Variants in RPTOR observed in about 807,000 individuals in gnomAD.
RPTOR encodes the protein regulatory associated protein of MTOR complex 1, also known as regulatory-associated protein of mTOR.
RPTOR carries 21 observed loss-of-function variants against 169.9 expected under a neutral mutation model. That is an observed-to-expected ratio of 0.12 (90% CI 0.09 to 0.18). The LOEUF (loss-of-function observed/expected upper bound fraction) is 0.18. Among genes scored for constraint, RPTOR ranks in the 10% least tolerant of loss-of-function variants. The pLI, the probability that RPTOR is intolerant of heterozygous loss-of-function variation, is 1.00. For missense variants in RPTOR, 1,133 were observed against 1,855.9 expected (o/e 0.61, Z 7.16); for synonymous variants, 732 against 753.2 (o/e 0.97, Z 0.46).
chr17:80,679,635 A>G (rs567573043), intron 3 of RPTOR, among the ~76,000 whole-genome samples: 1 of 152,318 alleles, frequency 6.6e-6, no homozygotes, highest in Admixed American at 6.5e-5. Flanking sequence ...CTTATTTACT[A>G]ACTTAAATCC....
intron 5 of RPTOR, among the ~76,000 whole-genome samples, chr17:80,737,445 G>A (rs2066442797): frequency 6.6e-6 from 1 of 152,182 alleles, no homozygotes; most frequent in Non-Finnish European, 1.5e-5. Context: ...TTCCGGCAGG[G>A]GGGCGGTGGT....
At chr17:80,919,587 C>T (rs1317901362) in intron 21 of RPTOR, among the ~76,000 whole-genome samples, 2 of 152,174 alleles carry the variant, frequency 1.3e-5, no homozygotes, top group African/African-American at 4.8e-5. Flanking sequence ...TGTGAGGTGG[C>T]GCTCCCGGAA....
chr17:80,857,184 T>C (rs1327729713), intron 12 of RPTOR, among the ~76,000 whole-genome samples: 4 of 152,158 alleles, frequency 2.6e-5, no homozygotes, highest in Non-Finnish European at 4.4e-5. Flanking sequence ...CCCCTGCCTC[T>C]GAGGGCAGAG....
intron 21 of RPTOR, among the ~76,000 whole-genome samples, chr17:80,915,894 G>C (rs1453741510): frequency 1.3e-5 from 2 of 151,908 alleles, no homozygotes; most frequent in African/African-American, 4.8e-5. Flanking sequence ...ACCAGCTGCA[G>C]AGAGGAGTTA....
At chr17:80,592,313 G>A (rs2065113462) in intron 1 of RPTOR, among the ~76,000 whole-genome samples, 1 of 152,198 alleles carries the variant, frequency 6.6e-6, no homozygotes, top group African/African-American at 2.4e-5. Context: ...CCGCTGTGTG[G>A]TTTCATGCAG....
At chr17:80,571,235 C>T (rs1307640307) in intron 1 of RPTOR, among the ~76,000 whole-genome samples, 1 of 152,116 alleles carries the variant, frequency 6.6e-6, no homozygotes, top group Non-Finnish European at 1.5e-5. Flanking sequence ...TGTTCATGTC[C>T]TATAGAAAAT....
chr17:80,667,734 A>G (rs2065791429), intron 3 of RPTOR, among the ~76,000 whole-genome samples: 1 of 152,100 alleles, frequency 6.6e-6, no homozygotes. Context: ...AGGCTCCTTC[A>G]TTTGCTTGAT....
At chr17:80,771,975 A>G (rs2066848385) in intron 6 of RPTOR, among the ~76,000 whole-genome samples, 1 of 152,190 alleles carries the variant, frequency 6.6e-6, no homozygotes, top group Non-Finnish European at 1.5e-5. Flanking sequence ...GCACACCACC[A>G]TGCCTGGCTA....
intron 7 of RPTOR, among the ~76,000 whole-genome samples, chr17:80,821,947 G>A (rs1389036195): frequency 6.6e-6 from 1 of 152,222 alleles, no homozygotes; most frequent in Non-Finnish European, 1.5e-5. Flanking sequence ...TGGTCTGTAA[G>A]TCTGGGGACA....
At chr17:80,584,285 T>G (rs1210630364) in intron 1 of RPTOR, among the ~76,000 whole-genome samples, 1 of 152,058 alleles carries the variant, frequency 6.6e-6, no homozygotes, top group Non-Finnish European at 1.5e-5. Context: ...ACCTGGGGGT[T>G]TCAGAGGAGG....
chr17:80,712,809 T>C (rs896741966), intron 4 of RPTOR, among the ~76,000 whole-genome samples: 1 of 152,214 alleles, frequency 6.6e-6, no homozygotes, highest in African/African-American at 2.4e-5. Flanking sequence ...TATCTGTTGC[T>C]CCACATGCTC....
chr17:80,741,086 A>G (rs2066478057), intron 5 of RPTOR, among the ~76,000 whole-genome samples: 1 of 152,192 alleles, frequency 6.6e-6, no homozygotes. Context: ...GCTGGTGGGA[A>G]TGTAAAATGG....
intron 2 of RPTOR, among the ~76,000 whole-genome samples, chr17:80,627,646 T>A (rs2065406156): frequency 6.6e-6 from 1 of 152,222 alleles, no homozygotes; most frequent in African/African-American, 2.4e-5. Context: ...GTTTTTTTCC[T>A]TTATTCCATT....
chr17:80,745,370 G>C (rs11868257), intron 5 of RPTOR, among the ~76,000 whole-genome samples: 65,306 of 151,950 alleles, frequency 0.43, 14,607 homozygotes, highest in Non-Finnish European at 0.49. Flanking sequence ...GGAGGCTTCT[G>C]CACGTCCTTG....
chr17:80,832,824 A>G (rs2067520844), intron 9 of RPTOR, among the ~76,000 whole-genome samples: 1 of 152,230 alleles, frequency 6.6e-6, no homozygotes, highest in Non-Finnish European at 1.5e-5. Flanking sequence ...TTTGGAATAA[A>G]TAATGTACAA....
At chr17:80,626,207 C>T (rs2065392955) in intron 2 of RPTOR, among the ~76,000 whole-genome samples, 1 of 152,088 alleles carries the variant, frequency 6.6e-6, no homozygotes, top group African/African-American at 2.4e-5. Context: ...CACCCGCCAA[C>T]ACACCCAGCT....
At chr17:80,693,100 G>A (rs977267248) in intron 3 of RPTOR, among the ~76,000 whole-genome samples, 9 of 152,202 alleles carry the variant, frequency 5.9e-5, no homozygotes, top group Non-Finnish European at 1.3e-4. Context: ...GTCCTCATTG[G>A]AATCAAAGCT....
intron 13 of RPTOR, among the ~76,000 whole-genome samples, chr17:80,877,900 C>A (rs1369263387): frequency 6.6e-6 from 1 of 152,182 alleles, no homozygotes. Flanking sequence ...CCATAACCCG[C>A]CTCATCAGTG....
intron 28 of RPTOR, among the ~76,000 whole-genome samples, chr17:80,954,578 A>T (rs1282217684): frequency 6.6e-6 from 1 of 152,256 alleles, no homozygotes; most frequent in Non-Finnish European, 1.5e-5. Flanking sequence ...GCATTTCAAA[A>T]GTAAAATAAA....
Sources: allele counts gnomAD v4.1 joint callset (sites outside exome capture counted in the v4.1 genomes callset), GRCh38; gene constraint gnomAD v4.1.1; transcripts MANE v1.5; gene names NCBI Gene and HGNC (gene_info 2026-07-23, HGNC 2026-07-21).